The following TNS3 variants were observed in gnomAD, a reference collection of about 807,000 sequenced individuals.
TNS3 encodes tensin-3.
TNS3 carries 45 observed loss-of-function variants against 140.9 expected under a neutral mutation model. The observed-to-expected ratio is 0.32, with a 90% CI of 0.25 to 0.41. The LOEUF (loss-of-function observed/expected upper bound fraction) is 0.41. TNS3 is among the 10% of genes least tolerant of loss of function. The pLI is 1.00. For missense variants in TNS3, 1,716 were observed against 1,906.7 expected, an observed-to-expected ratio of 0.90 and a Z score of 1.86; for synonymous variants, 815 against 788.4, an observed-to-expected ratio of 1.03 and a Z score of -0.56.
intron 3 of TNS3, among the ~76,000 whole-genome samples, chr7:47,505,643 T>G (rs990340521): frequency 6.6e-6 from 1 of 152,166 alleles, no homozygotes; most frequent in African/African-American, 2.4e-5. Context: ...TGCTCGGCAT[T>G]CTCCATAATG....
intron 13 of TNS3, among the ~76,000 whole-genome samples, chr7:47,406,209 A>T (rs545068774): frequency 6.6e-6 from 1 of 152,126 alleles, no homozygotes; most frequent in Non-Finnish European, 1.5e-5. Flanking sequence ...CACTGCAAAG[A>T]TGGGATGGGT....
chr7:47,381,654 T>A (rs990109600), intron 16 of TNS3, among the ~76,000 whole-genome samples: 1 of 152,154 alleles, frequency 6.6e-6, no homozygotes, highest in African/African-American at 2.4e-5. Context: ...GGGTAACAAA[T>A]CTTTTAAATC....
chr7:47,379,936 G>A (rs1370774313), intron 16 of TNS3, among the ~76,000 whole-genome samples: 1 of 152,184 alleles, frequency 6.6e-6, no homozygotes, highest in East Asian at 1.9e-4. Context: ...GAAATATAGA[G>A]CAGAAAAAAA....
chr7:47,388,115 G>T (rs1313351026), intron 16 of TNS3, among the ~76,000 whole-genome samples: 1 of 152,140 alleles, frequency 6.6e-6, no homozygotes, highest in Admixed American at 6.5e-5. Flanking sequence ...CTCCTACCAG[G>T]AGATGGACAT....
chr7:47,419,456 A>T (rs61469280), intron 10 of TNS3, among the ~76,000 whole-genome samples: 8,195 of 152,238 alleles, frequency 0.054, 462 homozygotes, highest in African/African-American at 0.14. Flanking sequence ...CTTGCCTTTA[A>T]CCTCCTAGCT....
chr7:47,504,631 A>G (rs1479164111), intron 3 of TNS3, among the ~76,000 whole-genome samples: 5 of 152,246 alleles, frequency 3.3e-5, no homozygotes, highest in African/African-American at 1.2e-4. Context: ...ACAGTAATGA[A>G]GGACTCAAAA....
chr7:47,556,532 A>T (rs888004134), intron 1 of TNS3, among the ~76,000 whole-genome samples: 1 of 152,124 alleles, frequency 6.6e-6, no homozygotes, highest in Non-Finnish European at 1.5e-5. Flanking sequence ...AGGGCCCCAC[A>T]TCCCTTAGGC....
At chr7:47,302,139 G>C in intron 23 of TNS3, 47 bp downstream of exon 23, 1 of 1,506,108 alleles carries the variant, frequency 6.6e-7, no homozygotes, top group Non-Finnish European at 9.2e-7. Flanking sequence ...GCAGCGAAGC[G>C]GGCACTAGGG....
intron 16 of TNS3, among the ~76,000 whole-genome samples, chr7:47,380,341 G>A (rs1005469149): frequency 1.3e-5 from 2 of 152,226 alleles, no homozygotes; most frequent in East Asian, 3.9e-4. Context: ...TGAAAACACA[G>A]GGGCCCAAGC....
At chr7:47,379,158 C>T (rs1379879404) in intron 16 of TNS3, among the ~76,000 whole-genome samples, 1 of 152,112 alleles carries the variant, frequency 6.6e-6, no homozygotes, top group Non-Finnish European at 1.5e-5. Context: ...ACGGGTAGCC[C>T]GGGCAGTGTC....
intron 2 of TNS3, among the ~76,000 whole-genome samples, chr7:47,523,921 C>T (rs1247351224): frequency 1.4e-4 from 21 of 152,224 alleles, no homozygotes; most frequent in Non-Finnish European, 2.2e-4. Flanking sequence ...CCATATGGGA[C>T]TGCTAAGAGG....
chr7:47,455,744 C>T lies in TNS3; in HGVS notation c.-75-13689G>A, dbSNP rs189704819. Among the ~76,000 whole-genome samples the T allele has an allele frequency of 6.2e-4, 95 of 152,278 alleles. 1 individual carries two copies. The highest frequency in any genetic ancestry group is 2.1e-3 in the African/African-American group (87 of 41,554). ...ATGGGCACCTGGGAGAAGAAGAGCT[C>T]GTCTCCAGCTCTAGAAACCACGGCC... On this transcript the variant is annotated intron_variant, in intron 4 of 30. Coordinates refer to ENST00000311160, the MANE Select transcript of TNS3 (RefSeq NM_022748.12).
At chr7:47,581,085 T>C (rs1391955383) in intron 1 of TNS3, among the ~76,000 whole-genome samples, 1 of 151,942 alleles carries the variant, frequency 6.6e-6, no homozygotes, top group Non-Finnish European at 1.5e-5. Context: ...GGAGTTCGGG[T>C]CATCTGCTGA....
At chr7:47,424,970 G>A (rs1011579819) in intron 9 of TNS3, among the ~76,000 whole-genome samples, 1 of 152,176 alleles carries the variant, frequency 6.6e-6, no homozygotes, top group African/African-American at 2.4e-5. Flanking sequence ...ACAAATCCTG[G>A]AATATGAGTG....
intron 16 of TNS3, among the ~76,000 whole-genome samples, chr7:47,391,954 G>A (rs1223363562): frequency 6.6e-6 from 1 of 152,194 alleles, no homozygotes; most frequent in Non-Finnish European, 1.5e-5. Context: ...AGCCACAGCT[G>A]CCATCGCCGA....
intron 27 of TNS3, among the ~76,000 whole-genome samples, chr7:47,286,721 C>CT (rs1269661278): frequency 6.6e-6 from 1 of 152,200 alleles, no homozygotes; most frequent in Non-Finnish European, 1.5e-5. Flanking sequence ...AGATGGTCCT[C>CT]TAAGCATTGT....
At chr7:47,489,813 A>G (rs1242623539) in intron 3 of TNS3, among the ~76,000 whole-genome samples, 2 of 152,230 alleles carry the variant, frequency 1.3e-5, no homozygotes, top group Non-Finnish European at 2.9e-5. Flanking sequence ...GGCACAGCAC[A>G]GGATCGCTCG....
At position 47,407,852 on chromosome 7, in the gene TNS3, C is replaced by T. The variant is rs1182759380; in HGVS notation, c.723+3875G>A. 6.6e-6 allele frequency among the ~76,000 whole-genome samples: 1 copy of T among 152,106 alleles called. No individual in the cohort carries two copies. The highest frequency in any genetic ancestry group is 1.9e-4 in the East Asian group (1 of 5,170). ...GCCTCAGGAGAAACCACCCTGCCCA[C>T]ACCTGGATCTCAGGCTCCCAGCCTC... On this transcript the variant is annotated intron_variant, in intron 13 of 30. Transcript: ENST00000311160. This position sits in a 1 kb window ranked among gnomAD's most constrained non-coding sequence, Gnocchi z 4.1.
chr7:47,439,025 G>A (rs1031052714), intron 6 of TNS3, among the ~76,000 whole-genome samples: 1 of 152,204 alleles, frequency 6.6e-6, no homozygotes, highest in Non-Finnish European at 1.5e-5. Context: ...CCATCAACTC[G>A]ACAAGTGTGT....
Sources: allele counts gnomAD v4.1 joint callset (sites outside exome capture counted in the v4.1 genomes callset), GRCh38; gene constraint gnomAD v4.1.1; non-coding constraint Gnocchi (gnomAD v3.1); transcripts MANE v1.5; gene names NCBI Gene and HGNC (gene_info 2026-07-23, HGNC 2026-07-21).